The following SYNPR variants were observed in gnomAD, a reference collection of about 807,000 sequenced individuals.
The protein encoded by SYNPR is synaptoporin.
Under a neutral mutation model 32.9 loss-of-function variants are expected in SYNPR, and 23 were observed. The ratio of observed to expected loss-of-function variants is 0.70; its 90% CI spans 0.50 to 0.99. The LOEUF (loss-of-function observed/expected upper bound fraction) is 0.99, where lower values mean the gene tolerates loss of function less well. SYNPR is among the 50% of genes least tolerant of loss of function. The probability of loss-of-function intolerance (pLI) is 0.00; values close to 1 mark genes in which losing one functional copy is unlikely to be tolerated. For missense variants in SYNPR, 318 were observed against 349.3 expected, an observed-to-expected ratio of 0.91 and a Z score of 0.71; for synonymous variants, 146 against 135.9, an observed-to-expected ratio of 1.07 and a Z score of -0.52.
rs951613443 is a variant in SYNPR, at chr3:63,338,101, T to A, written c.84+59359T>A. 2.6e-5 allele frequency among the ~76,000 whole-genome samples: 4 copies of A among 152,156 alleles called. No individual in the cohort carries two copies. The East Asian group carries it at 7.7e-4, about 29-fold the overall frequency. On this transcript the variant is annotated intron_variant, in intron 2 of 5. Coordinates refer to ENST00000478300, the MANE Select transcript of SYNPR (RefSeq NM_001130003.2). Reference sequence around the variant, plus strand: ...GATGTTAATAATAGGAGAAACCGTGTGTTTGGGATGGGAGTGGGGTAGTAT... The same window carrying A: ...GATGTTAATAATAGGAGAAACCGTGAGTTTGGGATGGGAGTGGGGTAGTAT...
At position 63,462,936 on chromosome 3, in the gene SYNPR, A is replaced by G. The variant is rs78636307; in HGVS notation, c.85-17896A>G. Among the ~76,000 whole-genome samples the G allele has an allele frequency of 8.4e-3, 1,283 of 152,240 alleles. 57 individuals are homozygous for G. The East Asian group carries it at 0.13, about 16-fold the overall frequency. The stretch of plus-strand genomic sequence containing the variant: ...CATACAGGCCCTGGCCACCAGGGAA[A>G]TGAGTGGTGAATGGATGTTGGGTTC... On this transcript the variant is annotated intron_variant, in intron 2 of 5. Transcript: ENST00000478300.
At chr3:63,559,981 C>T (rs1292925596) in intron 4 of SYNPR, among the ~76,000 whole-genome samples, 6 of 152,214 alleles carry the variant, frequency 3.9e-5, no homozygotes, top group Middle Eastern at 3.4e-3. Context: ...AAAACTATTT[C>T]GTTATATAAA....
chr3:63,278,977 TGTCGTC>T (rs1277531330), intron 2 of SYNPR, among the ~76,000 whole-genome samples: 18 of 152,078 alleles, frequency 1.2e-4, no homozygotes, highest in Non-Finnish European at 5.9e-5. Context: ...CTTAGACAAG[TGTCGTC>T]TCACCTCACC....
intron 2 of SYNPR, among the ~76,000 whole-genome samples, chr3:63,479,012 G>A (rs1700990419): frequency 6.6e-6 from 1 of 152,146 alleles, no homozygotes; most frequent in Non-Finnish European, 1.5e-5. Flanking sequence ...GTCCACACCA[G>A]GGGCCTAAAG....
At chr3:63,288,678 T>C (rs1360284024) in intron 2 of SYNPR, among the ~76,000 whole-genome samples, 1 of 152,254 alleles carries the variant, frequency 6.6e-6, no homozygotes, top group Non-Finnish European at 1.5e-5. Context: ...TTCATTTTTA[T>C]TCACATATTT....
At chr3:63,240,607 G>A (rs2086233595) in intron 1 of SYNPR, among the ~76,000 whole-genome samples, 1 of 152,072 alleles carries the variant, frequency 6.6e-6, no homozygotes. Context: ...CTTCACCCAA[G>A]GGGACTTATC....
At chr3:63,479,446 G>GCGCGCACACACACACACA (rs6147854) in intron 2 of SYNPR, among the ~76,000 whole-genome samples, 1,622 of 135,826 alleles carry the variant, frequency 0.012, 13 homozygotes, top group African/African-American at 0.022. Flanking sequence ...CCACACACAT[G>GCGCGCACACACACACACA]CACACACACA....
At chr3:63,346,405 T>C (rs1487659771) in intron 2 of SYNPR, among the ~76,000 whole-genome samples, 1 of 152,182 alleles carries the variant, frequency 6.6e-6, no homozygotes, top group African/African-American at 2.4e-5. Flanking sequence ...TTTATAACTG[T>C]ATTTGTTCCT....
At chr3:63,269,050 G>T (rs2086513186) in intron 3 of SYNPR, among the ~76,000 whole-genome samples, 1 of 152,108 alleles carries the variant, frequency 6.6e-6, no homozygotes. Flanking sequence ...CCTCAATTAT[G>T]ATATAGGCAT....
chr3:63,320,165 G>C (rs1462163260), intron 2 of SYNPR, among the ~76,000 whole-genome samples: 1 of 151,934 alleles, frequency 6.6e-6, no homozygotes, highest in Non-Finnish European at 1.5e-5. Flanking sequence ...TGTCCAGGAT[G>C]GTCTAGAACT....
upstream of SYNPR, among the ~76,000 whole-genome samples, chr3:63,226,010 G>C (rs927496317): frequency 2.6e-5 from 4 of 151,814 alleles, no homozygotes; most frequent in African/African-American, 9.7e-5. Context: ...CTTCTGTAAG[G>C]AAAAATATAA....
intron 4 of SYNPR, among the ~76,000 whole-genome samples, chr3:63,589,062 A>T (rs1703255534): frequency 1.3e-5 from 2 of 152,098 alleles, no homozygotes. Context: ...AGGAACAAGC[A>T]GGTAGTAAAG....
At chr3:63,513,662 A>G (rs1016377393) in intron 3 of SYNPR, among the ~76,000 whole-genome samples, 6 of 152,128 alleles carry the variant, frequency 3.9e-5, no homozygotes, top group Admixed American at 1.3e-4. Context: ...CAAAACTGGT[A>G]TAGTGGGTTG....
chr3:63,614,068 AC>A (rs1700243131), intron 5 of SYNPR, among the ~76,000 whole-genome samples: 1 of 152,080 alleles, frequency 6.6e-6, no homozygotes, highest in Non-Finnish European at 1.5e-5. Flanking sequence ...GGATCATCTC[AC>A]TGTCCAGAAA....
At chr3:63,362,147 T>C (rs917961013) in intron 2 of SYNPR, among the ~76,000 whole-genome samples, 1 of 152,182 alleles carries the variant, frequency 6.6e-6, no homozygotes, top group Admixed American at 6.5e-5. Context: ...ACCAGAGATG[T>C]TCAGATGGTG....
At chr3:63,288,239 G>C (rs1358892283) in intron 2 of SYNPR, among the ~76,000 whole-genome samples, 1 of 152,172 alleles carries the variant, frequency 6.6e-6, no homozygotes. Context: ...GAATAAAAAG[G>C]GTCATGATAT....
Position 63,313,441 on chromosome 3 carries a change from C to T in SYNPR, c.84+34699C>T, listed in dbSNP as rs115285473. Among the ~76,000 whole-genome samples, 931 of 151,616 alleles carry T rather than the reference C, an allele frequency of 6.1e-3. 14 individuals are homozygous for T. Among genetic ancestry groups the T allele is most frequent in the African/African-American group, 0.02 (835 of 41,406 alleles). The stretch of plus-strand genomic sequence containing the variant: ...TTGCATCCTCATAGCTTAGCTCCCT[C>T]ATATAAGTGAGAACATTCAATGTGT... On this transcript the variant is annotated intron_variant, in intron 2 of 5. Transcript: ENST00000478300.
chr3:63,609,446 T>C, intron 5 of SYNPR, 130 bp downstream of exon 5: 13 of 712,050 alleles, frequency 1.8e-5, no homozygotes, highest in Non-Finnish European at 2.4e-5. Context: ...GGTGAGATAC[T>C]TCACCTCAGG....
intron 2 of SYNPR, among the ~76,000 whole-genome samples, chr3:63,255,148 AGAC>A (rs1479975583): frequency 1.3e-5 from 2 of 152,202 alleles, no homozygotes; most frequent in Non-Finnish European, 2.9e-5. Flanking sequence ...ACATCTCTCC[AGAC>A]ATTACCAAAA....
Sources: gnomAD v4.1 joint callset for allele counts (sites outside exome capture counted in the v4.1 genomes callset) on GRCh38, gnomAD v4.1.1 for gene constraint, MANE v1.5 for transcripts, NCBI Gene and HGNC (gene_info 2026-07-23, HGNC 2026-07-21) for gene names.